Variants in EIF3B observed in about 807,000 individuals in gnomAD.
The protein encoded by EIF3B is eukaryotic translation initiation factor 3 subunit B, also known as eukaryotic translation initiation factor 3 subunit 9.
A neutral mutation model predicts 104.6 loss-of-function variants in EIF3B; 10 were observed. The observed-to-expected ratio is 0.10, with a 90% CI of 0.06 to 0.16. EIF3B has a LOEUF of 0.16. Ranked by LOEUF, EIF3B falls within the 10% of genes least tolerant of loss-of-function variation. The pLI is 1.00. For missense variants in EIF3B, 1,014 were observed against 1,087.9 expected (o/e 0.93, Z 0.96); for synonymous variants, 542 against 417.2 (o/e 1.30, Z -3.65).
At chr7:2,379,043 C>A in intron 16 of EIF3B, 91 bp from the exon 17 acceptor site, 1 of 1,098,440 alleles carries the variant, frequency 9.1e-7, no homozygotes. Flanking sequence ...TGTATGCTGT[C>A]CTTCTGGCAC....
intron 1 of EIF3B, among the ~76,000 whole-genome samples, chr7:2,359,117 C>T (rs1779606874): frequency 6.6e-6 from 1 of 152,124 alleles, no homozygotes; most frequent in South Asian, 2.1e-4. Context: ...AGTTTAAGTG[C>T]CGGTCTCTGC....
At chr7:2,374,960 A>G (rs1174729778) in intron 13 of EIF3B, 6 of 300,614 alleles carry the variant, frequency 2.0e-5, no homozygotes, top group Non-Finnish European at 3.7e-5. Flanking sequence ...TATTCGTTAC[A>G]CAGCTGTGAG....
chr7:2,377,169 C>T (rs1212665802), intron 15 of EIF3B, 94 bp downstream of exon 15: 13 of 1,461,782 alleles, frequency 8.9e-6, no homozygotes, highest in Non-Finnish European at 1.1e-5. Context: ...AGGGTGGTGA[C>T]TGGGGGATAA....
chr7:2,362,619 T>A, intron 2 of EIF3B, 26 bp from the exon 3 acceptor site: 1 of 1,613,912 alleles, frequency 6.2e-7, no homozygotes, highest in South Asian at 1.1e-5. Flanking sequence ...AGTGTGGGTA[T>A]GTGCCAACGG....
chr7:2,380,582 A>G lies in EIF3B; in HGVS notation c.*393A>G, dbSNP rs1237575372. ...CCACGGTGCCTGTACACAGCCGAGC[A>G]GCATTTCCGTTGAAGGACTTGCATC... On this transcript the variant is annotated 3_prime_UTR_variant, in exon 19 of 19. Coordinates refer to ENST00000360876, the MANE Select transcript of EIF3B (RefSeq NM_001037283.2). The G allele has an allele frequency of 2.9e-6, 1 of 349,196 alleles. No individual in the cohort carries two copies. The highest frequency in any genetic ancestry group is 8.1e-5 in the East Asian group (1 of 12,340). The allele number at this position is 349,196 out of a possible 1,614,324, so 21.6% of individuals were successfully genotyped here.
intron 2 of EIF3B, among the ~76,000 whole-genome samples, chr7:2,362,385 A>G (rs1388195160): frequency 1.3e-5 from 2 of 152,242 alleles, no homozygotes; most frequent in East Asian, 3.8e-4. Flanking sequence ...AGTCAAAATA[A>G]TGGACGTTTT....
chr7:2,354,883 G>A lies in EIF3B; in HGVS notation c.-39G>A. ...TGCGGCCTGGGAGAGTCGGAAGCGC[G>A]GCGGCCGCGGAGCCCTGCGAGTAGG... On this transcript the variant is annotated 5_prime_UTR_variant, in exon 1 of 19. Coordinates refer to ENST00000360876, the MANE Select transcript of EIF3B (RefSeq NM_001037283.2). 8.7e-7 allele frequency: 1 copy of A among 1,152,224 alleles called. No individual in the cohort carries two copies. Among genetic ancestry groups the A allele is most frequent in the Non-Finnish European group, 1.1e-6 (1 of 938,464 alleles). The allele number at this position is 1,152,224 out of a possible 1,614,324, so 71.4% of individuals were successfully genotyped here. A position where few individuals can be genotyped will look rare whatever the true frequency, so the allele number is the denominator to read the frequency against.
chr7:2,365,880 CGGCCATGGTTGGCCAAGCTT>C (rs1401783198), intron 6 of EIF3B, among the ~76,000 whole-genome samples: 1 of 151,882 alleles, frequency 6.6e-6, no homozygotes, highest in Non-Finnish European at 1.5e-5. Context: ...CTCACCATGT[CGGCCATGGTTGGCCAAGCTT>C]GTCTTAAACT....
At chr7:2,354,749 AG>A (rs1422391451), upstream of EIF3B, 2 of 432,716 alleles carry the variant, frequency 4.6e-6, no homozygotes, top group Non-Finnish European at 6.4e-6. Flanking sequence ...GAGTCCTCTC[AG>A]GGTCGTTCGT....
Position 2,378,677 on chromosome 7 carries a change from CT to C in EIF3B, c.2155-8del. 2 of 1,612,256 alleles carry C rather than the reference CT, an allele frequency of 1.2e-6. No homozygotes were observed. The highest frequency in any genetic ancestry group is 1.3e-5 in the African/African-American group (1 of 75,012). On this transcript the variant is annotated splice_polypyrimidine_tract_variant and intron_variant, in intron 15 of 18. Transcript: ENST00000360876. Reference sequence around the variant, plus strand: ...GAATGTTAAATCCTGAGTGATGGGTCTTTTGTTTCAGCAAATTAAAAAGGAT... The same window carrying C: ...GAATGTTAAATCCTGAGTGATGGGTCTTTGTTTCAGCAAATTAAAAAGGAT...
In EIF3B at chr7:2,378,481, T is replaced by G; in HGVS notation, c.2155-208T>G. The G allele has an allele frequency of 7.4e-6, 2 of 272,040 alleles. 1 individual carries two copies. The highest frequency in any genetic ancestry group is 1.3e-5 in the Non-Finnish European group (2 of 149,834). The allele number at this position is 272,040 out of a possible 1,614,324, so 16.9% of individuals were successfully genotyped here. A position where few individuals can be genotyped will look rare whatever the true frequency, so the allele number is the denominator to read the frequency against. On this transcript the variant is annotated intron_variant, in intron 15 of 18. Transcript: ENST00000360876. ...GTTGTGTGAATGACCCTGGGTGTCA[T>G]GGAGGAAGGAGCAGGCGCGAGTGCT... is the stretch of plus-strand genomic sequence containing the variant.
At position 2,364,520 on chromosome 7, in the gene EIF3B, C is replaced by G; in HGVS notation, c.1148C>G (p.Pro383Arg). ...GGGGTTCAGCTTATTGACTTCTCACCTTGTGAAAGGTAAGCTGCTAGAAAA... is the reference window on the plus strand; with the variant it reads ...GGGGTTCAGCTTATTGACTTCTCACGTTGTGAAAGGTAAGCTGCTAGAAAA... Reference protein sequence around the residue: ...HQGVQLIDFSPCERYLVTFSP... With the variant: ...HQGVQLIDFSRCERYLVTFSP... The change falls in exon 6 of 19, where the codon CCT becomes CGT. Residue 383 changes from proline (P) to arginine (R), a missense_variant. Pro to Arg is a moderately radical substitution (Grantham distance 103). This residue lies in a region of EIF3B where 201 missense variants were observed against 240.7 expected (regional missense o/e 0.83). Transcript: ENST00000360876. The G allele has an allele frequency of 1.2e-6, 2 of 1,612,190 alleles. No individual in the cohort carries two copies. Among genetic ancestry groups the G allele is most frequent in the Non-Finnish European group, 1.7e-6 (2 of 1,179,388 alleles).
chr7:2,368,888 A>G (rs1006761870), intron 9 of EIF3B, among the ~76,000 whole-genome samples: 13 of 152,228 alleles, frequency 8.5e-5, no homozygotes, highest in African/African-American at 3.1e-4. Flanking sequence ...ATTATGGCTT[A>G]TAAAATGAAA....
In EIF3B at chr7:2,361,027, A is replaced by G. The variant is rs561740127; in HGVS notation, c.692+125A>G. 5.6e-4 allele frequency: 385 copies of G among 683,688 alleles called. 1 individual carries two copies. The highest frequency in any genetic ancestry group is 2.9e-3 in the Admixed American group (100 of 33,900). The allele number at this position is 683,688 out of a possible 1,614,324, so 42.4% of individuals were successfully genotyped here. A position where few individuals can be genotyped will look rare whatever the true frequency, so the allele number is the denominator to read the frequency against. ...AGGCACGTGGGCCGTTCACTTCTTC[A>G]GGCCGCCCTCAGCTGGAAGCTATCC... On this transcript the variant is annotated intron_variant, in intron 2 of 18. Transcript: ENST00000360876.
At chr7:2,370,033 A>T (rs951217516) in intron 10 of EIF3B, among the ~76,000 whole-genome samples, 6 of 151,956 alleles carry the variant, frequency 3.9e-5, no homozygotes, top group Admixed American at 1.3e-4. Flanking sequence ...CGCCTTGGCC[A>T]CCCAAAGGGC....
At chr7:2,357,092 G>C (rs191957306) in intron 1 of EIF3B, among the ~76,000 whole-genome samples, 12 of 152,096 alleles carry the variant, frequency 7.9e-5, no homozygotes, top group Admixed American at 7.9e-4. Context: ...CAAAACTTTT[G>C]GTTTAATGAT....
Position 2,354,997 on chromosome 7 carries a change from G to A in EIF3B, c.76G>A (p.Ala26Thr). 1 of 1,173,954 alleles carries A rather than the reference G, an allele frequency of 8.5e-7. No individual in the cohort carries two copies. Among genetic ancestry groups the A allele is most frequent in the Non-Finnish European group, 1.0e-6 (1 of 954,724 alleles). The allele number at this position is 1,173,954 out of a possible 1,614,324, so 72.7% of individuals were successfully genotyped here. A position where few individuals can be genotyped will look rare whatever the true frequency, so the allele number is the denominator to read the frequency against. The change falls in exon 1 of 19, where the codon GCC becomes ACC. Residue 26 changes from alanine (A) to threonine (T), a missense_variant. Ala to Thr is a moderately conservative substitution (Grantham distance 58). Around this residue, in one of 4 missense-constraint regions of EIF3B, gnomAD observed 488 missense variants for 404.3 expected, o/e 1.21. Transcript: ENST00000360876. ...CGAGCCCGGCCAGCAGCAGCCGGCC[G>A]CCGAGCCGCCGCCAGCCGAGGGGCT... ...RAEPGQQQPA[A>T]EPPPAEGLLR...
At chr7:2,378,990 A>G in intron 16 of EIF3B, 144 bp from the exon 17 acceptor site, 1 of 788,574 alleles carries the variant, frequency 1.3e-6, no homozygotes, top group Non-Finnish European at 2.0e-6. Flanking sequence ...CGTTGGGGGA[A>G]AAGTGAGAAT....
chr7:2,380,703 C>CA lies in EIF3B; in HGVS notation c.*514_*515insA. ...CCGTGCAGGTTGTGGCCGGTTTTCT[C>CA]CGCAGGTTGAACATGGAAATAAAAG... is the stretch of plus-strand genomic sequence containing the variant. On this transcript the variant is annotated 3_prime_UTR_variant, in exon 19 of 19. Transcript: ENST00000360876. 1 of 175,800 alleles carries CA rather than the reference C, an allele frequency of 5.7e-6. No homozygotes were observed. The highest frequency in any genetic ancestry group is 1.2e-5 in the Non-Finnish European group (1 of 81,460). 10.9% of individuals were successfully genotyped at this position (175,800 alleles called of 1,614,324 possible).
Sources: gnomAD v4.1 joint callset for allele counts (sites outside exome capture counted in the v4.1 genomes callset) on GRCh38, gnomAD v4.1.1 for gene constraint, gnomAD v4.1.1 regional missense constraint, MANE v1.5 for transcripts, NCBI Gene and HGNC (gene_info 2026-07-23, HGNC 2026-07-21) for gene names.